Variants in ABCC1 observed in about 807,000 individuals in gnomAD.
ABCC1 encodes ATP binding cassette subfamily C member 1 (ABCC1 blood group), also known as multidrug resistance-associated protein 1.
In ABCC1, 83 loss-of-function variants were observed where a neutral mutation model predicts 172.9. The observed-to-expected ratio is 0.48, with a 90% CI of 0.40 to 0.58. The LOEUF is 0.58. Among genes scored for constraint, ABCC1 ranks in the 20% least tolerant of loss-of-function variants. The pLI is 0.00. For synonymous variants in ABCC1, 937 were observed against 825.2 expected, an observed-to-expected ratio of 1.14 and a Z score of -2.32; for missense variants, 1,817 against 2,002.7, an observed-to-expected ratio of 0.91 and a Z score of 1.77.
rs45503397 is a variant in ABCC1 at position 16,136,650 on chromosome 16, C to T, written c.4292+6C>T. On this transcript the variant is annotated splice_donor_region_variant and intron_variant, in intron 29 of 30. Transcript: ENST00000399410. ...GAAGGCGGGGAGAACCTCAGGTAGG[C>T]GGGGGTGAACAAGGAGACACCGGGT... 1,336 of 1,613,532 alleles carry T rather than the reference C, an allele frequency of 8.3e-4. 6 individuals are homozygous for T. The African/African-American group carries it at 0.016, about 19-fold the overall frequency.
chr16:16,101,607 C>T (rs1350274925), intron 19 of ABCC1, among the ~76,000 whole-genome samples: 2 of 152,166 alleles, frequency 1.3e-5, no homozygotes, highest in African/African-American at 4.8e-5. Context: ...TGGGTCCTCT[C>T]CCACCTTCTC....
chr16:16,078,707 C>A (rs1567379342), intron 15 of ABCC1, among the ~76,000 whole-genome samples: 1 of 152,174 alleles, frequency 6.6e-6, no homozygotes, highest in Non-Finnish European at 1.5e-5. Context: ...GACAGAGTCT[C>A]ACGCTCTTGC....
rs747036786 is a variant in ABCC1, at chr16:16,014,625, A to G, written c.486A>G (p.Lys162=). 1.9e-6 allele frequency: 3 copies of G among 1,613,532 alleles called. No individual in the cohort carries two copies. Among genetic ancestry groups the G allele is most frequent in the African/African-American group, 2.7e-5 (2 of 74,934 alleles). Residue 162 remains lysine (K), a synonymous_variant, in exon 4 of 31, where the codon AAA becomes AAG. Transcript: ENST00000399410. Reference sequence around the variant, plus strand: ...GATCCAAAATTATGACAGCCTTAAAAGAGGTAAGTGGCAGTCTCCTTCCTC... The same window carrying G: ...GATCCAAAATTATGACAGCCTTAAAGGAGGTAAGTGGCAGTCTCCTTCCTC... The part of the protein sequence containing the change: ...ILRSKIMTAL[K]EDAQVDLFRD...
At chr16:15,949,613 G>GCCGCCGCCGCCA (rs2045811683), upstream of ABCC1, 1 of 465,396 alleles carries the variant, frequency 2.1e-6, no homozygotes, top group African/African-American at 2.2e-5. Context: ...GGCTCCCTGC[G>GCCGCCGCCGCCA]CCGCCGCCGC....
At chr16:15,950,353 C>G (rs1487657447) in intron 1 of ABCC1, among the ~76,000 whole-genome samples, 2 of 151,706 alleles carry the variant, frequency 1.3e-5, no homozygotes, top group South Asian at 2.1e-4. Flanking sequence ...TTTGTTCTTT[C>G]TACTTAGATA....
At chr16:16,014,460 A>G in intron 3 of ABCC1, 31 bp from the exon 4 acceptor site, 1 of 1,605,072 alleles carries the variant, frequency 6.2e-7, no homozygotes, top group Non-Finnish European at 8.5e-7. Context: ...AAAAAAACCC[A>G]ACAACTCCTG....
At chr16:16,114,514 T>C (rs1388625909) in intron 22 of ABCC1, among the ~76,000 whole-genome samples, 2 of 152,062 alleles carry the variant, frequency 1.3e-5, no homozygotes, top group Non-Finnish European at 2.9e-5. Context: ...CTAATTTTTG[T>C]ATTTTTAGGA....
intron 1 of ABCC1, among the ~76,000 whole-genome samples, chr16:15,965,749 A>G (rs1038217325): frequency 6.6e-6 from 1 of 151,824 alleles, no homozygotes; most frequent in East Asian, 1.9e-4. Context: ...CATGTGTACC[A>G]TGATGCCTGA....
At chr16:16,100,370 G>C (rs890942065) in intron 19 of ABCC1, among the ~76,000 whole-genome samples, 4 of 152,134 alleles carry the variant, frequency 2.6e-5, no homozygotes, top group Admixed American at 2.0e-4. Flanking sequence ...AGAGCGGGGG[G>C]GCTCTCTGCG....
At chr16:16,130,483 G>A (rs2045629588) in intron 26 of ABCC1, among the ~76,000 whole-genome samples, 1 of 152,122 alleles carries the variant, frequency 6.6e-6, no homozygotes, top group Non-Finnish European at 1.5e-5. Context: ...TTACTTTGGA[G>A]AAACAGAGAC....
chr16:16,004,113 A>G (rs563135802), intron 1 of ABCC1, among the ~76,000 whole-genome samples: 27 of 152,174 alleles, frequency 1.8e-4, no homozygotes, highest in Admixed American at 7.2e-4. Flanking sequence ...TTCTCTGGCT[A>G]TGATAGGGAG....
Position 16,097,358 on chromosome 16 carries a change from C to T in ABCC1, c.2645-5269C>T, listed in dbSNP as rs146068760. ...GAACTCCGGACCTCAAGTGATCCACCCGCCTCAGCCTCCCAAAGTGCTGGG... is the reference window on the plus strand; with the variant it reads ...GAACTCCGGACCTCAAGTGATCCACTCGCCTCAGCCTCCCAAAGTGCTGGG... On this transcript the variant is annotated intron_variant, in intron 19 of 30. Coordinates refer to ENST00000399410, the MANE Select transcript of ABCC1 (RefSeq NM_004996.4). Among the ~76,000 whole-genome samples the T allele has an allele frequency of 6.3e-3, 967 of 152,318 alleles. 7 individuals carry two copies. Among genetic ancestry groups the T allele is most frequent in the African/African-American group, 0.022 (920 of 41,564 alleles).
chr16:16,017,371 C>A (rs2048039019), intron 5 of ABCC1, among the ~76,000 whole-genome samples: 1 of 152,104 alleles, frequency 6.6e-6, no homozygotes, highest in African/African-American at 2.4e-5. Context: ...GCTGGAATTA[C>A]AGGCACACAC....
At chr16:16,046,618 T>C (rs1744961261) in intron 9 of ABCC1, among the ~76,000 whole-genome samples, 2 of 152,178 alleles carry the variant, frequency 1.3e-5, no homozygotes, top group Non-Finnish European at 2.9e-5. Flanking sequence ...GTGCTGGGAT[T>C]ACAGGCATGA....
At chr16:15,981,828 A>G (rs1157842193) in intron 1 of ABCC1, among the ~76,000 whole-genome samples, 1 of 152,044 alleles carries the variant, frequency 6.6e-6, no homozygotes, top group African/African-American at 2.4e-5. Flanking sequence ...TCACATCATC[A>G]CCCTTCCAAT....
intron 1 of ABCC1, among the ~76,000 whole-genome samples, chr16:15,977,285 G>A (rs1484866816): frequency 6.6e-6 from 1 of 152,166 alleles, no homozygotes; most frequent in Admixed American, 6.5e-5. Context: ...CATTTTCCTG[G>A]TTTGAATCCT....
At chr16:16,017,727 A>G (rs2048053418) in intron 5 of ABCC1, among the ~76,000 whole-genome samples, 1 of 152,052 alleles carries the variant, frequency 6.6e-6, no homozygotes, top group South Asian at 2.1e-4. Flanking sequence ...ATTTTTTTAA[A>G]TAGAGATGGG....
At chr16:16,026,035 C>T (rs146026013) in intron 5 of ABCC1, among the ~76,000 whole-genome samples, 2 of 152,130 alleles carry the variant, frequency 1.3e-5, no homozygotes, top group African/African-American at 4.8e-5. Flanking sequence ...GATTACAATC[C>T]AGTGCCCCAT....
chr16:15,964,666 G>GTT (rs879588074), intron 1 of ABCC1, among the ~76,000 whole-genome samples: 1 of 145,184 alleles, frequency 6.9e-6, no homozygotes. Context: ...TACTCTGCCA[G>GTT]TTTTTTTTTT....
Sources: gnomAD v4.1 joint callset for allele counts (sites outside exome capture counted in the v4.1 genomes callset) on GRCh38, gnomAD v4.1.1 for gene constraint, MANE v1.5 for transcripts, NCBI Gene and HGNC (gene_info 2026-07-23, HGNC 2026-07-21) for gene names.